The following EPHA3 variants were observed in gnomAD, a reference collection of about 807,000 sequenced individuals.
EPHA3 encodes EPH receptor A3.
Under a neutral mutation model 107.1 loss-of-function variants are expected in EPHA3, and 42 were observed. The observed-to-expected ratio is 0.39, with a 90% CI of 0.31 to 0.51. The LOEUF (loss-of-function observed/expected upper bound fraction) is 0.51. Among genes scored for constraint, EPHA3 ranks in the 20% least tolerant of loss-of-function variants. The pLI, the probability that EPHA3 is intolerant of heterozygous loss-of-function variation, is 0.78. For synonymous variants in EPHA3, 461 were observed against 424.8 expected (o/e 1.09, Z -1.05); for missense variants, 1,183 against 1,211.2 (o/e 0.98, Z 0.35).
intron 5 of EPHA3, among the ~76,000 whole-genome samples, chr3:89,371,732 A>G (rs536238310): frequency 0.015 from 2,320 of 151,764 alleles, 42 homozygotes; most frequent in African/African-American, 0.053. Context: ...ACACACACAC[A>G]CACACACACA....
Position 89,349,510 on chromosome 3 carries a change from C to T in EPHA3, c.1306+7420C>T, listed in dbSNP as rs925418177. Among the ~76,000 whole-genome samples, 11 of 149,748 alleles carry T rather than the reference C, an allele frequency of 7.3e-5. 1 individual carries two copies. Among genetic ancestry groups the T allele is most frequent in the Admixed American group, 4.0e-4 (6 of 14,954 alleles). ...CCTTTTATTTTGAGCCTATGTGTGT[C>T]TCTGCCCATGAGATGGGTTTCCTGA... On this transcript the variant is annotated intron_variant, in intron 5 of 16. Transcript: ENST00000336596.
intron 3 of EPHA3, among the ~76,000 whole-genome samples, 161 bp downstream of exon 3, chr3:89,210,681 T>A (rs1042298831): frequency 6.6e-6 from 1 of 152,144 alleles, no homozygotes; most frequent in Non-Finnish European, 1.5e-5. Context: ...CCATTTGATG[T>A]GGTAATTCAT....
chr3:89,181,860 G>T (rs1435825138), intron 2 of EPHA3, among the ~76,000 whole-genome samples: 1 of 151,884 alleles, frequency 6.6e-6, no homozygotes, highest in African/African-American at 2.4e-5. Context: ...AGTAAGAAAT[G>T]GTTTTCAATT....
intron 11 of EPHA3, among the ~76,000 whole-genome samples, chr3:89,422,171 T>C (rs1430843061): frequency 2.0e-5 from 3 of 147,070 alleles, no homozygotes; most frequent in Admixed American, 7.0e-5. Context: ...CTCCTTACAA[T>C]AAAGTTGATA....
chr3:89,432,555 C>A (rs1709590000), intron 13 of EPHA3, among the ~76,000 whole-genome samples: 1 of 151,980 alleles, frequency 6.6e-6, no homozygotes, highest in Non-Finnish European at 1.5e-5. Context: ...CAGGCATGGA[C>A]CACCAGCCCC....
chr3:89,441,296 AT>A (rs1411021984), intron 13 of EPHA3, among the ~76,000 whole-genome samples: 4 of 152,214 alleles, frequency 2.6e-5, no homozygotes, highest in Non-Finnish European at 5.9e-5. Flanking sequence ...AGGAGCAAAC[AT>A]TAGCTTCTGA....
chr3:89,126,928 A>G (rs953739864), intron 1 of EPHA3, among the ~76,000 whole-genome samples: 4 of 151,882 alleles, frequency 2.6e-5, no homozygotes, highest in Middle Eastern at 3.4e-3. Flanking sequence ...TCCTCTTTAA[A>G]CCCATAATTA....
intron 3 of EPHA3, among the ~76,000 whole-genome samples, chr3:89,227,649 A>C (rs1172499634): frequency 3.3e-5 from 5 of 151,924 alleles, no homozygotes; most frequent in African/African-American, 1.2e-4. Context: ...GTGCATAGTT[A>C]GGTACTGGAG....
At chr3:89,189,511 T>A (rs1705651438) in intron 2 of EPHA3, among the ~76,000 whole-genome samples, 1 of 152,170 alleles carries the variant, frequency 6.6e-6, no homozygotes, top group Non-Finnish European at 1.5e-5. Flanking sequence ...GAGAATTGCT[T>A]GAACCCAGGA....
intron 5 of EPHA3, 112 bp downstream of exon 5, chr3:89,342,202 A>G: frequency 1.1e-6 from 1 of 947,744 alleles, no homozygotes; most frequent in South Asian, 1.9e-5. Flanking sequence ...GAACCCCAGG[A>G]TTTTGCCTTC....
intron 2 of EPHA3, among the ~76,000 whole-genome samples, chr3:89,189,038 T>C (rs1333987142): frequency 6.6e-6 from 1 of 152,230 alleles, no homozygotes; most frequent in Non-Finnish European, 1.5e-5. Flanking sequence ...CTAGACTAGA[T>C]GCCTGTGCCT....
intron 3 of EPHA3, among the ~76,000 whole-genome samples, chr3:89,340,168 G>C (rs1265378803): frequency 7.9e-5 from 12 of 151,948 alleles, no homozygotes; most frequent in African/African-American, 2.7e-4. Flanking sequence ...CAGTTCAATA[G>C]GCTTACAAAA....
intron 13 of EPHA3, among the ~76,000 whole-genome samples, chr3:89,447,434 G>T (rs891254747): frequency 6.6e-6 from 1 of 152,026 alleles, no homozygotes; most frequent in Non-Finnish European, 1.5e-5. Flanking sequence ...AGAGCTTCTG[G>T]CAGTACTCTC....
chr3:89,470,875 G>A (rs563915542), intron 15 of EPHA3, among the ~76,000 whole-genome samples: 1 of 152,262 alleles, frequency 6.6e-6, no homozygotes, highest in South Asian at 2.1e-4. Flanking sequence ...TCAGAGGATA[G>A]CATCAGTGCC....
chr3:89,265,276 A>G (rs1338625116), intron 3 of EPHA3, among the ~76,000 whole-genome samples: 2 of 152,162 alleles, frequency 1.3e-5, no homozygotes, highest in Admixed American at 6.5e-5. Flanking sequence ...ATTTATTTAG[A>G]GATGCATCAA....
In EPHA3 at chr3:89,346,543, G is replaced by A. The variant is rs1358486204; in HGVS notation, c.1306+4453G>A. On this transcript the variant is annotated intron_variant, in intron 5 of 16. Coordinates refer to ENST00000336596, the MANE Select transcript of EPHA3 (RefSeq NM_005233.6). ...GCCCTTTGTCAGATGAGTAGGTTGC[G>A]AAAATTTTCTCCCATTTTGTAGGTT... Among the ~76,000 whole-genome samples the A allele has an allele frequency of 2.8e-3, 412 of 148,442 alleles. 4 individuals carry two copies. Among genetic ancestry groups the A allele is most frequent in the African/African-American group, 4.4e-3 (181 of 40,878 alleles).
At chr3:89,434,369 C>T (rs1709625651) in intron 13 of EPHA3, among the ~76,000 whole-genome samples, 1 of 152,152 alleles carries the variant, frequency 6.6e-6, no homozygotes, top group South Asian at 2.1e-4. Context: ...AGTGGCTTGC[C>T]ACCACGCCTG....
At chr3:89,304,018 G>A (rs1706552837) in intron 3 of EPHA3, among the ~76,000 whole-genome samples, 1 of 152,010 alleles carries the variant, frequency 6.6e-6, no homozygotes, top group African/African-American at 2.4e-5. Context: ...AACATCTTTA[G>A]ACCATTTTCT....
chr3:89,415,493 A>T (rs1289025179), intron 10 of EPHA3, among the ~76,000 whole-genome samples: 25 of 93,420 alleles, frequency 2.7e-4, no homozygotes, highest in African/African-American at 1.1e-3. Context: ...TATATATATA[A>T]GCTAATTCTC....
Sources: allele counts gnomAD v4.1 joint callset (sites outside exome capture counted in the v4.1 genomes callset), GRCh38; gene constraint gnomAD v4.1.1; transcripts MANE v1.5; gene names NCBI Gene and HGNC (gene_info 2026-07-23, HGNC 2026-07-21).